The following APLP2 variants were observed in gnomAD, a reference collection of about 807,000 sequenced individuals.
APLP2 encodes amyloid beta precursor like protein 2.
A neutral mutation model predicts 89.9 loss-of-function variants in APLP2; 53 were observed. The observed-to-expected ratio is 0.59, with a 90% CI of 0.47 to 0.74. The LOEUF is 0.74. Among genes scored for constraint, APLP2 ranks in the 30% least tolerant of loss-of-function variants. The pLI is 0.00. For missense variants in APLP2, 973 were observed against 975.9 expected, an observed-to-expected ratio of 1.00 and a Z score of 0.04; for synonymous variants, 372 against 348.6, an observed-to-expected ratio of 1.07 and a Z score of -0.75.
At chr11:130,142,706 C>G (rs979676248) in intron 16 of APLP2, among the ~76,000 whole-genome samples, 2 of 152,094 alleles carry the variant, frequency 1.3e-5, no homozygotes, top group African/African-American at 2.4e-5. Flanking sequence ...CTCTGTCTCC[C>G]GGGTTCAGGT....
At chr11:130,134,141 G>T (rs892612278) in intron 12 of APLP2, among the ~76,000 whole-genome samples, 2 of 152,220 alleles carry the variant, frequency 1.3e-5, no homozygotes, top group East Asian at 1.9e-4. Flanking sequence ...TGGCTGCTGC[G>T]TGCGTGTCAC....
intron 13 of APLP2, among the ~76,000 whole-genome samples, chr11:130,140,086 C>A (rs913134603): frequency 2.0e-5 from 3 of 152,110 alleles, no homozygotes; most frequent in Non-Finnish European, 4.4e-5. Context: ...CTAGGATGCC[C>A]CTCGGCTCCG....
chr11:130,095,331 C>T (rs1946053919), intron 1 of APLP2, among the ~76,000 whole-genome samples: 1 of 152,212 alleles, frequency 6.6e-6, no homozygotes, highest in South Asian at 2.1e-4. Context: ...ATCATTGCAC[C>T]ACTGCACTCC....
intron 1 of APLP2, 51 bp downstream of exon 1, chr11:130,070,133 G>A (rs1162334807): frequency 8.2e-7 from 1 of 1,222,352 alleles, no homozygotes; most frequent in African/African-American, 1.6e-5. Context: ...CGCCGGAGGA[G>A]CGCGGACTGC....
intron 1 of APLP2, among the ~76,000 whole-genome samples, chr11:130,091,520 A>T (rs9666330): frequency 7.0e-5 from 4 of 57,330 alleles, no homozygotes; most frequent in African/African-American, 2.9e-4. Flanking sequence ...CCTCCCGGAC[A>T]GGGCGGCTGG....
intron 4 of APLP2, among the ~76,000 whole-genome samples, chr11:130,121,281 T>C (rs1949788186): frequency 2.6e-5 from 4 of 152,232 alleles, no homozygotes; most frequent in African/African-American, 9.6e-5. Flanking sequence ...AATACTGAAG[T>C]AGTGCTTGCA....
At chr11:130,134,092 C>T (rs149178371) in intron 12 of APLP2, among the ~76,000 whole-genome samples, 21 of 152,324 alleles carry the variant, frequency 1.4e-4, no homozygotes, top group Admixed American at 1.1e-3. Context: ...CCTCCTCTCC[C>T]GGTCTTTATC....
chr11:130,091,824 C>T (rs1945308839), intron 1 of APLP2, among the ~76,000 whole-genome samples: 1 of 149,450 alleles, frequency 6.7e-6, no homozygotes, highest in Non-Finnish European at 1.5e-5. Context: ...GGGGCTGACC[C>T]CCCCCCACCT....
At chr11:130,102,538 G>A (rs756520426) in intron 1 of APLP2, among the ~76,000 whole-genome samples, 8 of 152,202 alleles carry the variant, frequency 5.3e-5, no homozygotes, top group Admixed American at 3.3e-4. Context: ...AAGCCCTGCA[G>A]CCAGATTTGA....
intron 3 of APLP2, among the ~76,000 whole-genome samples, chr11:130,118,189 C>A (rs1392859864): frequency 6.6e-6 from 1 of 151,972 alleles, no homozygotes; most frequent in East Asian, 1.9e-4. Flanking sequence ...TGAGGTTTTA[C>A]AAATTAAAGT....
At chr11:130,135,862 T>C in intron 13 of APLP2, 147 bp downstream of exon 13, 1 of 975,778 alleles carries the variant, frequency 1.0e-6, no homozygotes, top group African/African-American at 1.6e-5. Flanking sequence ...ATTGAGCGCC[T>C]ACTGTGTGCA....
intron 1 of APLP2, among the ~76,000 whole-genome samples, chr11:130,095,537 G>A (rs1946080904): frequency 6.6e-6 from 1 of 152,224 alleles, no homozygotes; most frequent in Admixed American, 6.5e-5. Flanking sequence ...GAGATAAAGA[G>A]CAGGTGGAAG....
At chr11:130,102,126 G>A (rs1947017988) in intron 1 of APLP2, 1 of 309,510 alleles carries the variant, frequency 3.2e-6, no homozygotes, top group Non-Finnish European at 6.3e-6. Flanking sequence ...GTTCAGTTTA[G>A]TAAATCTTTG....
chr11:130,072,530 A>G (rs538896160), intron 1 of APLP2, among the ~76,000 whole-genome samples: 133 of 147,164 alleles, frequency 9.0e-4, no homozygotes, highest in African/African-American at 3.3e-3. Flanking sequence ...GCTGGAGTGC[A>G]ATGGTGGGAT....
Position 130,133,694 on chromosome 11 carries a change from A to G in APLP2, c.1650A>G (p.Val550=). 1.2e-6 allele frequency: 2 copies of G among 1,614,118 alleles called. No individual in the cohort carries two copies. Among genetic ancestry groups the G allele is most frequent in the South Asian group, 1.1e-5 (1 of 91,084 alleles). Reference sequence around the variant, plus strand: ...AAAGCCTCTCTCTGCTCTACAAAGTACCTTATGTAGCCCAAGAAATTCAAG... The same window carrying G: ...AAAGCCTCTCTCTGCTCTACAAAGTGCCTTATGTAGCCCAAGAAATTCAAG... ...RNQSLSLLYK[V]PYVAQEIQEE... is the part of the protein sequence containing the mutation. The change falls in exon 12 of 17, where the codon GTA becomes GTG. Residue 550 remains valine, a synonymous_variant. Transcript: ENST00000338167.
chr11:130,109,770 TC>T, intron 2 of APLP2, 168 bp downstream of exon 2: 1 of 658,830 alleles, frequency 1.5e-6, no homozygotes, highest in Non-Finnish European at 2.4e-6. Flanking sequence ...CTGAGACCTC[TC>T]AAAGGCTTTG....
chr11:130,091,117 G>A (rs1591778542), intron 1 of APLP2, among the ~76,000 whole-genome samples: 2 of 141,306 alleles, frequency 1.4e-5, no homozygotes, highest in Non-Finnish European at 3.1e-5. Context: ...CCTCCCGGAC[G>A]GGGCGGCTGG....
chr11:130,096,412 C>T (rs1015439813), intron 1 of APLP2, among the ~76,000 whole-genome samples: 3 of 152,136 alleles, frequency 2.0e-5, no homozygotes, highest in Admixed American at 2.0e-4. Context: ...GCCCACCTGA[C>T]AAGTAGTACA....
At chr11:130,076,883 C>G (rs1461817426) in intron 1 of APLP2, among the ~76,000 whole-genome samples, 1 of 152,160 alleles carries the variant, frequency 6.6e-6, no homozygotes, top group African/African-American at 2.4e-5. Flanking sequence ...CAAAGCAAGC[C>G]TTGGCAAGGG....
Sources: allele counts gnomAD v4.1 joint callset (sites outside exome capture counted in the v4.1 genomes callset), GRCh38; gene constraint gnomAD v4.1.1; transcripts MANE v1.5; gene names NCBI Gene and HGNC (gene_info 2026-07-23, HGNC 2026-07-21).